LARS2: variants seen among roughly 807,000 people sequenced by gnomAD.
LARS2 encodes the protein leucine--tRNA ligase, mitochondrial.
A neutral mutation model predicts 116.6 loss-of-function variants in LARS2; 81 were observed. The observed-to-expected ratio is 0.69, with a 90% CI of 0.58 to 0.84. The LOEUF (loss-of-function observed/expected upper bound fraction) is 0.84, where lower values mean the gene tolerates loss of function less well. LARS2 is among the 40% of genes least tolerant of loss of function. LARS2 has a pLI of 0.00. For synonymous variants in LARS2, 396 were observed against 407.2 expected, an observed-to-expected ratio of 0.97 and a Z score of 0.33; for missense variants, 968 against 1,114.5, an observed-to-expected ratio of 0.87 and a Z score of 1.87.
At chr3:45,540,994 C>T in intron 20 of LARS2, among the ~76,000 whole-genome samples, 1 of 152,004 alleles carries the variant, frequency 6.6e-6, no homozygotes, top group Non-Finnish European at 1.5e-5. Context: ...GTTCCCCAGC[C>T]TTGTCTTAAA....
intron 6 of LARS2, among the ~76,000 whole-genome samples, chr3:45,437,921 A>AT (rs1303063539): frequency 6.6e-6 from 1 of 152,216 alleles, no homozygotes; most frequent in Non-Finnish European, 1.5e-5. Flanking sequence ...GACAATAAAC[A>AT]TAATAAATAA....
intron 6 of LARS2, among the ~76,000 whole-genome samples, chr3:45,428,480 C>T (rs954103941): frequency 2.0e-5 from 3 of 148,838 alleles, no homozygotes; most frequent in Non-Finnish European, 3.0e-5. Context: ...CTCCTGACCT[C>T]GTGATCCACC....
intron 14 of LARS2, among the ~76,000 whole-genome samples, chr3:45,497,782 C>T (rs1377674376): frequency 6.6e-6 from 1 of 152,116 alleles, no homozygotes. Context: ...TGGCACGCAC[C>T]TGTAATCCCA....
intron 20 of LARS2, among the ~76,000 whole-genome samples, chr3:45,534,775 A>G (rs957433430): frequency 1.3e-5 from 2 of 152,224 alleles, no homozygotes; most frequent in African/African-American, 2.4e-5. Context: ...TCCTCTATCA[A>G]TTGCTTAAAG....
At chr3:45,539,538 C>T (rs891990436) in intron 20 of LARS2, among the ~76,000 whole-genome samples, 23 of 151,856 alleles carry the variant, frequency 1.5e-4, no homozygotes, top group Admixed American at 1.2e-3. Flanking sequence ...GGCTGAGGCA[C>T]AAGAATCGCT....
At chr3:45,470,206 G>A (rs1253185846) in intron 8 of LARS2, among the ~76,000 whole-genome samples, 2 of 152,068 alleles carry the variant, frequency 1.3e-5, no homozygotes, top group African/African-American at 4.8e-5. Flanking sequence ...TAATGCTTCA[G>A]CTCAACTTTC....
chr3:45,389,532 T>C (rs1322422478), intron 1 of LARS2, among the ~76,000 whole-genome samples: 2 of 152,242 alleles, frequency 1.3e-5, no homozygotes, highest in African/African-American at 4.8e-5. Context: ...CTCCTGCCTG[T>C]GCAGGGCCCT....
intron 13 of LARS2, chr3:45,495,626 G>T (rs1262197053): frequency 6.6e-6 from 1 of 152,196 alleles, no homozygotes; most frequent in Non-Finnish European, 1.5e-5. Flanking sequence ...AGGCATTGGC[G>T]AAGGCAATCT....
At chr3:45,543,563 C>G (rs775827337) in intron 21 of LARS2, among the ~76,000 whole-genome samples, 4 of 151,446 alleles carry the variant, frequency 2.6e-5, no homozygotes, top group Admixed American at 6.6e-5. Flanking sequence ...CCTCCACTTA[C>G]AGCAATTCTC....
chr3:45,498,293 C>T (rs78870675), intron 14 of LARS2, among the ~76,000 whole-genome samples: 1,586 of 152,322 alleles, frequency 0.01, 24 homozygotes, highest in African/African-American at 0.034. Context: ...AGCCCCAGCA[C>T]GAGTTCTTCC....
intron 19 of LARS2, 123 bp from the exon 20 acceptor site, chr3:45,523,874 G>A (rs2125758886): frequency 1.5e-6 from 1 of 657,106 alleles, no homozygotes; most frequent in South Asian, 1.8e-5. Context: ...AAGCAGAAAT[G>A]GATGGCAAAG....
intron 10 of LARS2, among the ~76,000 whole-genome samples, chr3:45,477,805 G>T (rs1003411047): frequency 1.3e-5 from 2 of 152,192 alleles, no homozygotes; most frequent in Admixed American, 1.3e-4. Flanking sequence ...ATATTAAGTT[G>T]CCATCTCTGA....
Position 45,524,089 on chromosome 3 carries a change from A to G in LARS2, c.2385A>G (p.Val795=). Residue 795 remains valine, a synonymous_variant, in exon 20 of 22, where the codon GTA becomes GTG. Transcript: ENST00000645846. Reference sequence around the variant, plus strand: ...TGGCTGCTCCACTGGCCCCTCATGTAACCTCAGAGATCTGGGCAGGTACGT... The same window carrying G: ...TGGCTGCTCCACTGGCCCCTCATGTGACCTCAGAGATCTGGGCAGGTACGT... The part of the protein sequence containing the change: ...MVMAAPLAPH[V]TSEIWAGLAL... 6.2e-7 allele frequency: 1 copy of G among 1,612,154 alleles called. No homozygotes were observed. Among genetic ancestry groups the G allele is most frequent in the South Asian group, 1.1e-5 (1 of 91,050 alleles).
At chr3:45,527,282 A>G (rs373246971) in intron 20 of LARS2, among the ~76,000 whole-genome samples, 31 of 152,258 alleles carry the variant, frequency 2.0e-4, no homozygotes, top group African/African-American at 7.2e-4. Context: ...TTTGCTCTGG[A>G]TTGAGTGCTG....
intron 15 of LARS2, among the ~76,000 whole-genome samples, chr3:45,508,209 T>G (rs1472943814): frequency 1.3e-5 from 2 of 151,996 alleles, no homozygotes; most frequent in African/African-American, 4.8e-5. Flanking sequence ...AAGCAGCTGC[T>G]CAGGGAGCTC....
chr3:45,496,448 T>C (rs1700012540), intron 14 of LARS2, 75 bp downstream of exon 14: 1 of 1,069,922 alleles, frequency 9.3e-7, no homozygotes, highest in Non-Finnish European at 1.4e-6. Context: ...AAGATGGAAT[T>C]AGACATGCAA....
chr3:45,461,204 CTT>C (rs1008714015), intron 8 of LARS2, among the ~76,000 whole-genome samples: 1 of 145,882 alleles, frequency 6.9e-6, no homozygotes, highest in Non-Finnish European at 1.5e-5. Flanking sequence ...AGAGTAGAAA[CTT>C]TTTTTTTTTA....
chr3:45,480,344 T>C (rs1699678527), intron 10 of LARS2, among the ~76,000 whole-genome samples: 1 of 152,244 alleles, frequency 6.6e-6, no homozygotes, highest in South Asian at 2.1e-4. Flanking sequence ...GCAGTATCCC[T>C]AGAAACTAGT....
At chr3:45,504,453 AT>A (rs1404607385) in intron 15 of LARS2, among the ~76,000 whole-genome samples, 7 of 152,068 alleles carry the variant, frequency 4.6e-5, no homozygotes, top group Non-Finnish European at 1.0e-4. Flanking sequence ...CAGAAAATTA[AT>A]TTAGGGTCTA....
Sources: allele counts gnomAD v4.1 joint callset (sites outside exome capture counted in the v4.1 genomes callset), GRCh38; gene constraint gnomAD v4.1.1; transcripts MANE v1.5; gene names NCBI Gene and HGNC (gene_info 2026-07-23, HGNC 2026-07-21).